The following GRB10 variants were observed in gnomAD, a reference collection of about 807,000 sequenced individuals.
GRB10 encodes the protein growth factor receptor bound protein 10.
Under a neutral mutation model 80.9 loss-of-function variants are expected in GRB10, and 20 were observed. That is an observed-to-expected ratio of 0.25 (90% CI 0.17 to 0.36). The LOEUF is 0.36. Ranked by LOEUF, GRB10 falls within the 10% of genes least tolerant of loss-of-function variation. The pLI, the probability that GRB10 is intolerant of heterozygous loss-of-function variation, is 1.00. For synonymous variants in GRB10, 291 were observed against 291.5 expected (o/e 1.00, Z 0.02); for missense variants, 548 against 747.7 (o/e 0.73, Z 3.12).
At chr7:50,743,187 A>G (rs2072207784) in intron 3 of GRB10, among the ~76,000 whole-genome samples, 1 of 152,242 alleles carries the variant, frequency 6.6e-6, no homozygotes, top group African/African-American at 2.4e-5. Context: ...GCAAAGCATG[A>G]CCTCATTGCT....
At chr7:50,644,311 C>T (rs1336686555) in intron 7 of GRB10, among the ~76,000 whole-genome samples, 2 of 152,238 alleles carry the variant, frequency 1.3e-5, no homozygotes, top group Admixed American at 6.5e-5. Context: ...CACAAGCTGA[C>T]CATCACAGGG....
At chr7:50,666,871 T>C (rs2059863566) in intron 7 of GRB10, among the ~76,000 whole-genome samples, 1 of 151,932 alleles carries the variant, frequency 6.6e-6, no homozygotes, top group African/African-American at 2.4e-5. Context: ...AAACCCCGTC[T>C]CTACTAAAAA....
chr7:50,731,932 C>T (rs767994728), intron 4 of GRB10, among the ~76,000 whole-genome samples: 80 of 152,338 alleles, frequency 5.3e-4, no homozygotes, highest in Non-Finnish European at 7.8e-4. Flanking sequence ...TCTGGCCCGA[C>T]CCAGAAGGTG....
At chr7:50,717,412 C>A (rs568328152) in intron 4 of GRB10, among the ~76,000 whole-genome samples, 1 of 152,022 alleles carries the variant, frequency 6.6e-6, no homozygotes, top group Non-Finnish European at 1.5e-5. Flanking sequence ...ATGCTGCCAC[C>A]GCAAGGAGAG....
chr7:50,622,548 C>A (rs531420354), intron 8 of GRB10, among the ~76,000 whole-genome samples: 9 of 152,140 alleles, frequency 5.9e-5, no homozygotes, highest in South Asian at 2.1e-4. Context: ...TAAGATCTGG[C>A]GGAAACCCTC....
intron 2 of GRB10, among the ~76,000 whole-genome samples, chr7:50,767,291 A>G (rs2076446457): frequency 1.3e-5 from 2 of 152,198 alleles, no homozygotes; most frequent in Admixed American, 1.3e-4. Context: ...CTGATCCTCC[A>G]GTTCCAAAAG....
At chr7:50,768,481 A>C (rs1057427057) in intron 2 of GRB10, among the ~76,000 whole-genome samples, 1 of 152,046 alleles carries the variant, frequency 6.6e-6, no homozygotes, top group Non-Finnish European at 1.5e-5. Flanking sequence ...AATCACCTCT[A>C]TGTTTCCCCT....
intron 3 of GRB10, 69 bp downstream of exon 3, chr7:50,755,818 A>C: frequency 2.5e-6 from 1 of 398,598 alleles, no homozygotes; most frequent in Non-Finnish European, 4.4e-6. Flanking sequence ...GACCACCTTA[A>C]TCAATACTGA....
At chr7:50,636,604 C>T (rs1451902677) in intron 7 of GRB10, among the ~76,000 whole-genome samples, 1 of 132,348 alleles carries the variant, frequency 7.6e-6, no homozygotes, top group East Asian at 2.1e-4. Flanking sequence ...TGTGATTCAT[C>T]ACATCAACAG....
intron 15 of GRB10, 156 bp downstream of exon 15, chr7:50,605,134 G>A (rs1240474015): frequency 1.1e-5 from 7 of 655,854 alleles, no homozygotes; most frequent in Non-Finnish European, 1.6e-5. Context: ...AAGGGGCCTA[G>A]AAGGGCCAAC....
At chr7:50,772,369 G>A (rs1317913374) in intron 2 of GRB10, among the ~76,000 whole-genome samples, 1 of 152,188 alleles carries the variant, frequency 6.6e-6, no homozygotes, top group Non-Finnish European at 1.5e-5. Flanking sequence ...CGATGCAAGA[G>A]TCCCAGGACA....
In GRB10 at chr7:50,752,941, G is replaced by C. The variant is rs1182189256; in HGVS notation, c.-47+2946C>G. Among the ~76,000 whole-genome samples the C allele has an allele frequency of 2.0e-5, 3 of 152,172 alleles. No homozygotes were observed. In the East Asian group the frequency reaches 5.8e-4, roughly 29 times the overall value. On this transcript the variant is annotated intron_variant, in intron 3 of 18. Coordinates refer to ENST00000401949, the MANE Select transcript of GRB10 (RefSeq NM_001350814.2). ...AGGGAAACGCTCAGAGGTCTCTTTG[G>C]GCCCAAGAGCTAACGAATAGAAACT...
chr7:50,747,633 T>C (rs1420157291), intron 3 of GRB10: 4 of 152,124 alleles, frequency 2.6e-5, no homozygotes, highest in Non-Finnish European at 5.9e-5. Context: ...CATGCAAGCA[T>C]GGAGCAGGGC....
chr7:50,782,772 C>T lies in GRB10; in HGVS notation c.-675G>A, dbSNP rs1442736092. On this transcript the variant is annotated 5_prime_UTR_variant, in exon 1 of 19. Transcript: ENST00000401949. This position sits in a 1 kb window ranked among gnomAD's most constrained non-coding sequence, Gnocchi z 6.6. ...CCAGCGCCATCACCACGCAGGTGCC[C>T]GGGGGCCCCTCCGCGGAGCCGGCTG... 2.0e-5 allele frequency: 3 copies of T among 152,092 alleles called. No homozygotes were observed. Among genetic ancestry groups the T allele is most frequent in the African/African-American group, 7.2e-5 (3 of 41,434 alleles). 9.4% of individuals were successfully genotyped at this position (152,092 alleles called of 1,614,324 possible). A position where few individuals can be genotyped will look rare whatever the true frequency, so the allele number is the denominator to read the frequency against.
chr7:50,779,525 G>A (rs897263897), intron 2 of GRB10: 1 of 152,164 alleles, frequency 6.6e-6, no homozygotes, highest in Non-Finnish European at 1.5e-5. Context: ...TTCCTACACA[G>A]ATTTCATTAT....
At chr7:50,649,598 T>C (rs1219842300) in intron 7 of GRB10, among the ~76,000 whole-genome samples, 1 of 152,200 alleles carries the variant, frequency 6.6e-6, no homozygotes, top group Non-Finnish European at 1.5e-5. Flanking sequence ...GGGATTCAAA[T>C]GACTCTCTAG....
At chr7:50,663,844 T>C (rs2059531365) in intron 7 of GRB10, among the ~76,000 whole-genome samples, 1 of 152,180 alleles carries the variant, frequency 6.6e-6, no homozygotes, top group South Asian at 2.1e-4. Context: ...AGGGAGACAA[T>C]GCAGACACCA....
intron 12 of GRB10, among the ~76,000 whole-genome samples, chr7:50,613,266 T>C (rs1256913657): frequency 3.9e-5 from 6 of 152,170 alleles, no homozygotes; most frequent in East Asian, 1.9e-4. Context: ...CCCAGGCCAC[T>C]GAGAGGAGGG....
At chr7:50,626,766 C>T in intron 8 of GRB10, 56 bp downstream of exon 8, 5 of 1,600,884 alleles carry the variant, frequency 3.1e-6, no homozygotes, top group Non-Finnish European at 4.3e-6. Flanking sequence ...CAGCAGTCTT[C>T]ATTCAATTGC....
Sources: gnomAD v4.1 joint callset for allele counts (sites outside exome capture counted in the v4.1 genomes callset) on GRCh38, gnomAD v4.1.1 for gene constraint, Gnocchi (gnomAD v3.1) non-coding constraint, MANE v1.5 for transcripts, NCBI Gene and HGNC (gene_info 2026-07-23, HGNC 2026-07-21) for gene names.